The following SMIM36 variants were observed in gnomAD, a reference collection of about 807,000 sequenced individuals.
SMIM36 encodes the protein small integral membrane protein 36.
chr17:55,469,192 A>T (rs1909297508), intron 3 of SMIM36, among the ~76,000 whole-genome samples: 1 of 151,600 alleles, frequency 6.6e-6, no homozygotes, highest in South Asian at 2.1e-4. Context: ...CCACCCTATA[A>T]TCCTTCTATC....
intron 1 of SMIM36, among the ~76,000 whole-genome samples, chr17:55,493,884 G>T (rs1598455121): frequency 6.6e-6 from 1 of 150,484 alleles, no homozygotes; most frequent in South Asian, 2.1e-4. Flanking sequence ...AGAGACAGAA[G>T]GACTAATCTG....
intron 3 of SMIM36, among the ~76,000 whole-genome samples, chr17:55,470,326 C>T (rs138887845): frequency 6.4e-4 from 97 of 152,320 alleles, no homozygotes; most frequent in African/African-American, 2.1e-3. Flanking sequence ...ACTGCCTGAT[C>T]GCCTTGGAAG....
chr17:55,484,013 A>G (rs1025348913), intron 1 of SMIM36, among the ~76,000 whole-genome samples: 2 of 152,168 alleles, frequency 1.3e-5, no homozygotes, highest in Non-Finnish European at 2.9e-5. Context: ...TTCTCCAGGG[A>G]ACCCTGACTA....
intron 4 of SMIM36, among the ~76,000 whole-genome samples, chr17:55,454,951 C>T (rs1177942829): frequency 2.0e-5 from 3 of 152,158 alleles, no homozygotes. Context: ...GGCAATTTTG[C>T]ATTATTCATT....
intron 4 of SMIM36, among the ~76,000 whole-genome samples, chr17:55,455,369 GC>G (rs1185900132): frequency 2.0e-5 from 2 of 100,912 alleles, no homozygotes; most frequent in South Asian, 3.0e-4. Context: ...CCCCCACGCT[GC>G]CCCCCTCCCC....
chr17:55,519,795 C>G, the SMIM36 span, among the ~76,000 whole-genome samples: 1 of 152,120 alleles, frequency 6.6e-6, no homozygotes, highest in Non-Finnish European at 1.5e-5. Flanking sequence ...GTATGGACAC[C>G]ACGCCAGCTC....
chr17:55,486,753 C>T (rs1909615283), intron 1 of SMIM36, among the ~76,000 whole-genome samples: 1 of 152,188 alleles, frequency 6.6e-6, no homozygotes, highest in African/African-American at 2.4e-5. Flanking sequence ...AGTCAAATTT[C>T]AATTCCCTAT....
chr17:55,491,887 G>C (rs979741218), intron 1 of SMIM36, among the ~76,000 whole-genome samples: 1 of 152,120 alleles, frequency 6.6e-6, no homozygotes, highest in Non-Finnish European at 1.5e-5. Flanking sequence ...AGGCGGGGCG[G>C]GGTGGCTCAC....
intron 1 of SMIM36, among the ~76,000 whole-genome samples, chr17:55,482,243 CT>C (rs1299679537): frequency 1.3e-5 from 2 of 152,180 alleles, no homozygotes; most frequent in African/African-American, 4.8e-5. Context: ...TGTGTCCATA[CT>C]TTTTTCCTAC....
At chr17:55,498,708 T>C (rs12603425) in intron 1 of SMIM36, among the ~76,000 whole-genome samples, 14,793 of 151,582 alleles carry the variant, frequency 0.098, 1,007 homozygotes, top group East Asian at 0.25. Flanking sequence ...ATGCACAAAA[T>C]GTTAAACAGG....
chr17:55,474,441 A>G (rs1387419992), intron 3 of SMIM36, among the ~76,000 whole-genome samples: 2 of 152,176 alleles, frequency 1.3e-5, no homozygotes, highest in Admixed American at 6.5e-5. Context: ...TGGAGGATCA[A>G]TGCAGTGGCT....
At chr17:55,492,465 C>T (rs1004070739) in intron 1 of SMIM36, among the ~76,000 whole-genome samples, 32 of 151,508 alleles carry the variant, frequency 2.1e-4, no homozygotes, top group African/African-American at 6.8e-4. Context: ...AGGATGGTCA[C>T]GATCTCTTGA....
intron 1 of SMIM36, among the ~76,000 whole-genome samples, chr17:55,501,410 ATT>A (rs1297698631): frequency 1.7e-3 from 58 of 33,804 alleles, no homozygotes; most frequent in East Asian, 8.9e-3. Flanking sequence ...ATTATTATAT[ATT>A]ATAAAATATA....
At chr17:55,490,884 A>T (rs1909690522) in intron 1 of SMIM36, among the ~76,000 whole-genome samples, 2 of 147,800 alleles carry the variant, frequency 1.4e-5, no homozygotes, top group African/African-American at 5.0e-5. Context: ...GGTGATTTCC[A>T]TTTTTTTTTT....
intron 4 of SMIM36, among the ~76,000 whole-genome samples, chr17:55,456,589 A>G (rs1017743472): frequency 6.6e-6 from 1 of 152,174 alleles, no homozygotes; most frequent in Admixed American, 6.6e-5. Flanking sequence ...ATTTTCCGCA[A>G]ATTAATTTAG....
chr17:55,511,392 C>T lies in SMIM36; in HGVS notation c.-58G>A, dbSNP rs966574823. 17 of 397,664 alleles carry T rather than the reference C, an allele frequency of 4.3e-5. No individual in the cohort carries two copies. The highest frequency in any genetic ancestry group is 7.5e-5 in the Non-Finnish European group (17 of 226,010). The allele number at this position is 397,664 out of a possible 1,614,324, so 24.6% of individuals were successfully genotyped here. A position where few individuals can be genotyped will look rare whatever the true frequency, so the allele number is the denominator to read the frequency against. Reference sequence around the variant, plus strand: ...GAAAGGCAATTGGGGTCAGTTTGGGCATTGCAGAGAGCAGATCTTAGAGCA... The same window carrying T: ...GAAAGGCAATTGGGGTCAGTTTGGGTATTGCAGAGAGCAGATCTTAGAGCA... On this transcript the variant is annotated 5_prime_UTR_variant, in exon 1 of 5. An upstream start codon of the reference 5' UTR is lost. Transcript: ENST00000636752.
At chr17:55,466,015 C>T (rs867645422) in intron 4 of SMIM36, among the ~76,000 whole-genome samples, 1 of 152,036 alleles carries the variant, frequency 6.6e-6, no homozygotes, top group Non-Finnish European at 1.5e-5. Context: ...TGGCTCACCA[C>T]GCTTGTAATC....
chr17:55,494,277 G>A (rs1909768464), intron 1 of SMIM36, among the ~76,000 whole-genome samples: 1 of 152,014 alleles, frequency 6.6e-6, no homozygotes, highest in Non-Finnish European at 1.5e-5. Context: ...AGAACACAGG[G>A]GAAAGGACTA....
intron 1 of SMIM36, among the ~76,000 whole-genome samples, chr17:55,488,878 G>T (rs1232080105): frequency 7.2e-6 from 1 of 139,656 alleles, no homozygotes; most frequent in African/African-American, 2.7e-5. Context: ...CCTGGTAGCA[G>T]TATAAGAGTA....
Sources: allele counts gnomAD v4.1 joint callset (sites outside exome capture counted in the v4.1 genomes callset), GRCh38; gene constraint gnomAD v4.1.1; transcripts MANE v1.5; gene names NCBI Gene and HGNC (gene_info 2026-07-23, HGNC 2026-07-21).